The following SORCS2 variants were observed in gnomAD, a reference collection of about 807,000 sequenced individuals.
SORCS2 encodes the protein VPS10 domain-containing receptor SorCS2.
Under a neutral mutation model 141.6 loss-of-function variants are expected in SORCS2, and 100 were observed. The ratio of observed to expected loss-of-function variants is 0.71; its 90% CI spans 0.60 to 0.83. The LOEUF is 0.83. Ranked by LOEUF, SORCS2 falls within the 40% of genes least tolerant of loss-of-function variation. The probability of loss-of-function intolerance (pLI) is 0.00; values close to 1 mark genes in which losing one functional copy is unlikely to be tolerated. For missense variants in SORCS2, 1,646 were observed against 1,560.2 expected (o/e 1.05, Z -0.93); for synonymous variants, 789 against 676.9 (o/e 1.17, Z -2.57).
intron 3 of SORCS2, among the ~76,000 whole-genome samples, chr4:7,535,526 G>T (rs1406093580): frequency 1.3e-5 from 2 of 152,356 alleles, no homozygotes; most frequent in Middle Eastern, 3.4e-3. Context: ...TGAAATGGGG[G>T]TAGTAGCAGC....
chr4:7,379,599 A>G (rs185633158), intron 1 of SORCS2, among the ~76,000 whole-genome samples: 10 of 152,304 alleles, frequency 6.6e-5, no homozygotes, highest in East Asian at 1.9e-4. Context: ...CGCGGATACT[A>G]TGGGTGTCCA....
At chr4:7,225,707 G>A (rs978784509) in intron 1 of SORCS2, among the ~76,000 whole-genome samples, 12 of 152,166 alleles carry the variant, frequency 7.9e-5, no homozygotes, top group Admixed American at 7.9e-4. Flanking sequence ...CACCCTGTGA[G>A]CTGGCCCACC....
At chr4:7,712,934 C>T in intron 15 of SORCS2, 81 bp downstream of exon 15, 1 of 1,561,104 alleles carries the variant, frequency 6.4e-7, no homozygotes, top group South Asian at 1.2e-5. Context: ...AAAGTCCTCC[C>T]CTGCAAGGCC....
At chr4:7,406,071 C>T (rs1463417470) in intron 2 of SORCS2, among the ~76,000 whole-genome samples, 2 of 152,092 alleles carry the variant, frequency 1.3e-5, no homozygotes, top group Non-Finnish European at 2.9e-5. Flanking sequence ...GTTAAACCAT[C>T]ATTGTATCCT....
intron 2 of SORCS2, among the ~76,000 whole-genome samples, chr4:7,422,733 G>T (rs980029986): frequency 5.3e-5 from 8 of 152,068 alleles, no homozygotes; most frequent in African/African-American, 1.7e-4. Flanking sequence ...TGGCACCGCC[G>T]TCTCTCGCCT....
chr4:7,473,375 G>A (rs1057068761), intron 2 of SORCS2, among the ~76,000 whole-genome samples: 3 of 152,144 alleles, frequency 2.0e-5, no homozygotes, highest in Admixed American at 2.0e-4. Flanking sequence ...TGGTAATGTG[G>A]GATTGGGTAT....
intron 4 of SORCS2, among the ~76,000 whole-genome samples, chr4:7,647,077 G>A (rs1448821224): frequency 9.9e-5 from 15 of 152,164 alleles, no homozygotes; most frequent in Admixed American, 6.5e-5. Flanking sequence ...CGAAAAACAG[G>A]AGGTAGCCAG....
At position 7,638,314 on chromosome 4, in the gene SORCS2, G is replaced by C. The variant is rs369622205; in HGVS notation, c.649-14G>C. 6.0e-6 allele frequency: 9 copies of C among 1,498,226 alleles called. No individual in the cohort carries two copies. In the African/African-American group the frequency reaches 1.2e-4, roughly 19 times the overall value. The allele number at this position is 1,498,226 out of a possible 1,614,324, so 92.8% of individuals were successfully genotyped here. A position where few individuals can be genotyped will look rare whatever the true frequency, so the allele number is the denominator to read the frequency against. ...GCACCTGGCCCAGGCCTCACAACCC[G>C]CTTTGTGTTTCAGGTCATCCTTGTC... is the stretch of plus-strand genomic sequence containing the variant. On this transcript the variant is annotated splice_polypyrimidine_tract_variant and intron_variant, in intron 3 of 26. Coordinates refer to ENST00000507866, the MANE Select transcript of SORCS2 (RefSeq NM_020777.3).
At chr4:7,535,983 G>A (rs984233793) in intron 3 of SORCS2, among the ~76,000 whole-genome samples, 6 of 152,240 alleles carry the variant, frequency 3.9e-5, no homozygotes, top group African/African-American at 7.2e-5. Flanking sequence ...CTAACAGGGC[G>A]GCATATGTTT....
intron 1 of SORCS2, among the ~76,000 whole-genome samples, chr4:7,241,893 A>G (rs1003232502): frequency 2.6e-5 from 4 of 152,128 alleles, no homozygotes; most frequent in Non-Finnish European, 5.9e-5. Context: ...TGTTTAGCTG[A>G]CGGTGTTGAG....
chr4:7,573,061 G>C lies in SORCS2; in HGVS notation c.648+41432G>C, dbSNP rs116092385. 6.3e-3 allele frequency among the ~76,000 whole-genome samples: 962 copies of C among 152,318 alleles called. 12 individuals carry two copies. Among genetic ancestry groups the C allele is most frequent in the African/African-American group, 0.022 (926 of 41,558 alleles). On this transcript the variant is annotated intron_variant, in intron 3 of 26. Coordinates refer to ENST00000507866, the MANE Select transcript of SORCS2 (RefSeq NM_020777.3). ...CTTGAATGGACAAGCTGCGTGTGTT[G>C]CTGCTTTTTGAAAATGTAAGGTGAG...
rs1733736970 is a variant in SORCS2 at position 7,527,042 on chromosome 4, C to T, written c.549-4488C>T. 3.3e-5 allele frequency among the ~76,000 whole-genome samples: 5 copies of T among 152,346 alleles called. No individual in the cohort carries two copies. The South Asian group carries it at 1.0e-3, about 32-fold the overall frequency. On this transcript the variant is annotated intron_variant, in intron 2 of 26. Coordinates refer to ENST00000507866, the MANE Select transcript of SORCS2 (RefSeq NM_020777.3). ...TCACCCTATTTCTAGTGCTAGGCGGCCCTGCGGGTCAGTGGTGCTGCCCGA... is the reference window on the plus strand; with the variant it reads ...TCACCCTATTTCTAGTGCTAGGCGGTCCTGCGGGTCAGTGGTGCTGCCCGA...
At chr4:7,605,987 G>A (rs1718036145) in intron 3 of SORCS2, among the ~76,000 whole-genome samples, 1 of 152,218 alleles carries the variant, frequency 6.6e-6, no homozygotes, top group South Asian at 2.1e-4. Context: ...TGCACATGCA[G>A]CCACACGGGG....
chr4:7,523,203 A>C (rs62280194), intron 2 of SORCS2, among the ~76,000 whole-genome samples: 6,726 of 152,136 alleles, frequency 0.044, 203 homozygotes, highest in South Asian at 0.078. Context: ...TCCTCCCCAG[A>C]AGGGCAGGCT....
intron 12 of SORCS2, among the ~76,000 whole-genome samples, chr4:7,702,001 G>A (rs559921520): frequency 1.6e-3 from 121 of 77,862 alleles, no homozygotes; most frequent in East Asian, 7.7e-3. Context: ...CACATGGCAC[G>A]AAGTTGCTGC....
intron 2 of SORCS2, among the ~76,000 whole-genome samples, chr4:7,496,431 C>A (rs564646980): frequency 3.8e-4 from 14 of 36,958 alleles, no homozygotes; most frequent in African/African-American, 7.3e-4. Flanking sequence ...ACTGGAGCCC[C>A]CCCCCCCCAC....
rs145133695 is a variant in SORCS2 at position 7,300,710 on chromosome 4, G to A, written c.481-95578G>A. Reference sequence around the variant, plus strand: ...CCAGCATCCATGCCCTTCAACCACCGCAGGCAATGCTGCCATAGCCTGAGG... The same window carrying A: ...CCAGCATCCATGCCCTTCAACCACCACAGGCAATGCTGCCATAGCCTGAGG... On this transcript the variant is annotated intron_variant, in intron 1 of 26. Coordinates refer to ENST00000507866, the MANE Select transcript of SORCS2 (RefSeq NM_020777.3). Among the ~76,000 whole-genome samples the A allele has an allele frequency of 5.0e-3, 768 of 152,274 alleles. 9 individuals are homozygous for A. Among genetic ancestry groups the A allele is most frequent in the African/African-American group, 0.016 (673 of 41,556 alleles).
chr4:7,523,291 T>C (rs1432648026), intron 2 of SORCS2, among the ~76,000 whole-genome samples: 1 of 152,136 alleles, frequency 6.6e-6, no homozygotes, highest in Non-Finnish European at 1.5e-5. Flanking sequence ...TAGACTCAAA[T>C]ACTCAAATCC....
Position 7,697,269 on chromosome 4 carries a change from C to T in SORCS2, c.1663C>T (p.Arg555Trp), listed in dbSNP as rs368656876. The T allele has an allele frequency of 1.8e-5, 29 of 1,585,206 alleles. No homozygotes were observed. The highest frequency in any genetic ancestry group is 4.6e-5 in the South Asian group (4 of 86,294). ...CACGTCAGACTGTGGTCACACCTGG[C>T]GGCAGGTAAGCTGGCTGGGAGGTGC... Reference protein sequence around the residue: ...YITSDCGHTWRQVFEEEHHIL... With the variant: ...YITSDCGHTWWQVFEEEHHIL... Residue 555 changes from arginine (R) to tryptophan (W), a missense_variant, in exon 12 of 27, where the codon CGG (arginine) becomes TGG (tryptophan). Physicochemically the swap from Arg to Trp is moderately radical, Grantham distance 101 (BLOSUM62 -3). Transcript: ENST00000507866.
Sources: allele counts gnomAD v4.1 joint callset (sites outside exome capture counted in the v4.1 genomes callset), GRCh38; gene constraint gnomAD v4.1.1; transcripts MANE v1.5; gene names NCBI Gene and HGNC (gene_info 2026-07-23, HGNC 2026-07-21).